The following B3GNT3 variants were observed in gnomAD, a reference collection of about 807,000 sequenced individuals.
The protein encoded by B3GNT3 is N-acetyllactosaminide beta-1,3-N-acetylglucosaminyltransferase 3.
In B3GNT3, 7 loss-of-function variants were observed where a neutral mutation model predicts 11.6. The observed-to-expected ratio is 0.60, with a 90% CI of 0.34 to 1.13. The LOEUF (loss-of-function observed/expected upper bound fraction) is 1.13, where lower values mean the gene tolerates loss of function less well. Ranked by LOEUF, B3GNT3 falls within the 50% of genes most tolerant of loss-of-function variation. The pLI is 0.03. For synonymous variants in B3GNT3, 201 were observed against 222.1 expected (o/e 0.90, Z 0.85); for missense variants, 400 against 507.4 (o/e 0.79, Z 2.03).
Position 17,808,018 on chromosome 19 carries a change from C to CCGGA in B3GNT3, c.213_216dup (p.Phe73GlyfsTer31), listed in dbSNP as rs771616547. The CCGGA allele has an allele frequency of 6.2e-7, 1 of 1,612,994 alleles. No homozygotes were observed. Among genetic ancestry groups the CCGGA allele is most frequent in the Non-Finnish European group, 8.5e-7 (1 of 1,179,682 alleles). On this transcript the variant is annotated frameshift_variant, in exon 2 of 3. Transcript: ENST00000318683. LOFTEE classifies it high-confidence loss of function. ...TGCCAACACCTCTATGGTCACCCAC[C>CCGGA]CGGACTTCGCCACGCAGCCGCAGCA...
intron 1 of B3GNT3, among the ~76,000 whole-genome samples, chr19:17,806,123 A>C (rs1210596578): frequency 1.3e-5 from 2 of 151,174 alleles, no homozygotes; most frequent in African/African-American, 4.9e-5. Flanking sequence ...ACCCATCACC[A>C]TGCCTGGCTA....
At chr19:17,809,485 C>T (rs2094177903) in intron 2 of B3GNT3, among the ~76,000 whole-genome samples, 2 of 149,884 alleles carry the variant, frequency 1.3e-5, no homozygotes, top group South Asian at 2.1e-4. Flanking sequence ...CTGGCTCTGT[C>T]CCCCAGGCTG....
chr19:17,810,793 A>G (rs868863440), intron 2 of B3GNT3, among the ~76,000 whole-genome samples: 1 of 151,918 alleles, frequency 6.6e-6, no homozygotes, highest in Admixed American at 6.6e-5. Flanking sequence ...AGGCAGAAGA[A>G]TTGCTTGAAC....
At chr19:17,795,252 G>C (rs1321218765) in intron 1 of B3GNT3, 46 bp downstream of exon 1, 1 of 152,370 alleles carries the variant, frequency 6.6e-6, no homozygotes, top group Non-Finnish European at 1.5e-5. Flanking sequence ...CCCAGTGGTG[G>C]GGGTTTGGGG....
intron 1 of B3GNT3, among the ~76,000 whole-genome samples, chr19:17,801,296 G>T (rs777519256): frequency 4.7e-4 from 72 of 151,600 alleles, no homozygotes; most frequent in Non-Finnish European, 6.9e-4. Context: ...GGGCTCAAGC[G>T]ATCCTCCCAC....
At chr19:17,806,181 A>G (rs554438487) in intron 1 of B3GNT3, among the ~76,000 whole-genome samples, 18 of 144,482 alleles carry the variant, frequency 1.2e-4, no homozygotes, top group Non-Finnish European at 6.0e-5. Flanking sequence ...GGGTTTCCCC[A>G]TGTTGGCCAG....
intron 1 of B3GNT3, among the ~76,000 whole-genome samples, chr19:17,804,801 A>C (rs899231276): frequency 6.6e-5 from 10 of 151,176 alleles, no homozygotes; most frequent in African/African-American, 2.4e-4. Context: ...CAGGTGATCC[A>C]CCACTTTGGC....
At chr19:17,804,240 C>CTTTTTTTTTTTTTTTTTTTTTTT (rs773524591) in intron 1 of B3GNT3, among the ~76,000 whole-genome samples, 20 of 112,184 alleles carry the variant, frequency 1.8e-4, no homozygotes, top group South Asian at 5.6e-4. Context: ...TCTTTTTTTT[C>CTTTTTTTTTTTTTTTTTTTTTTT]TTTTTTTTTT....
chr19:17,812,230 G>A lies in B3GNT3; in HGVS notation c.*108G>A, dbSNP rs976530323. 1.6e-6 allele frequency: 2 copies of A among 1,286,578 alleles called. No homozygotes were observed. Among genetic ancestry groups the A allele is most frequent in the Non-Finnish European group, 2.1e-6 (2 of 961,554 alleles). 79.7% of individuals were successfully genotyped at this position (1,286,578 alleles called of 1,614,324 possible). A position where few individuals can be genotyped will look rare whatever the true frequency, so the allele number is the denominator to read the frequency against. Reference sequence around the variant, plus strand: ...GTGGTCTGAGCATAAGGGAGTGCCAGGGAAGGTTTGAGGTTTGATGAGTGA... The same window carrying A: ...GTGGTCTGAGCATAAGGGAGTGCCAAGGAAGGTTTGAGGTTTGATGAGTGA... On this transcript the variant is annotated 3_prime_UTR_variant, in exon 3 of 3. Transcript: ENST00000318683.
rs1317184920 is a variant in B3GNT3 at position 17,811,938 on chromosome 19, C to T, written c.935C>T (p.Ala312Val). 6.2e-7 allele frequency: 1 copy of T among 1,612,052 alleles called. No individual in the cohort carries two copies. Among genetic ancestry groups the T allele is most frequent in the Non-Finnish European group, 8.5e-7 (1 of 1,180,038 alleles). The change falls in exon 3 of 3, where the codon GCC becomes GTC. Residue 312 changes from alanine (A) to valine (V), a missense_variant. By Grantham distance (64) the Ala-to-Val change is moderately conservative. Transcript: ENST00000318683. The surrounding 1 kb of genome is among the most constrained non-coding windows in gnomAD (Gnocchi z 4.1). ...CTGGAGCTTGAGGGACTGAAGCCTG[C>T]CTCCCACAGCGGCATCCGCACGTCT... Reference protein sequence around the residue: ...MCLELEGLKPASHSGIRTSGV... With the variant: ...MCLELEGLKPVSHSGIRTSGV...
chr19:17,800,137 G>A (rs1289262539), intron 1 of B3GNT3, among the ~76,000 whole-genome samples: 2 of 152,140 alleles, frequency 1.3e-5, no homozygotes, highest in African/African-American at 4.8e-5. Context: ...CACTTTGGGA[G>A]GCCGAGGCGG....
At chr19:17,800,539 T>G (rs764616328) in intron 1 of B3GNT3, among the ~76,000 whole-genome samples, 38 of 152,174 alleles carry the variant, frequency 2.5e-4, no homozygotes, top group Non-Finnish European at 4.6e-4. Flanking sequence ...CAGACAACCC[T>G]TCTGCATATT....
chr19:17,799,269 CT>C (rs35086710), intron 1 of B3GNT3, among the ~76,000 whole-genome samples: 6,425 of 117,202 alleles, frequency 0.055, 254 homozygotes, highest in African/African-American at 0.17. Context: ...ACCATTCCAG[CT>C]TTTTTTTTTT....
In B3GNT3 at chr19:17,807,752, C is replaced by T; in HGVS notation, c.-50-6C>T. ...GCGAGTGTTCAGTGAGTTTTGTTTT[C>T]CACAGGAGCCGCCCAGGAGGCTCCT... On this transcript the variant is annotated splice_region_variant and splice_polypyrimidine_tract_variant and intron_variant, in intron 1 of 2. Transcript: ENST00000318683. 5.3e-6 allele frequency: 8 copies of T among 1,516,966 alleles called. No individual in the cohort carries two copies. The highest frequency in any genetic ancestry group is 7.1e-6 in the Non-Finnish European group (8 of 1,121,382). The allele number at this position is 1,516,966 out of a possible 1,614,324, so 94.0% of individuals were successfully genotyped here. A position where few individuals can be genotyped will look rare whatever the true frequency, so the allele number is the denominator to read the frequency against.
chr19:17,804,533 C>CTTTTTTTTTTTTTTTTTT lies in B3GNT3; in HGVS notation c.-50-3220_-50-3203dup, dbSNP rs67513010. Among the ~76,000 whole-genome samples the CTTTTTTTTTTTTTTTTTT allele has an allele frequency of 3.5e-5, 2 of 57,016 alleles. 1 individual carries two copies. Among genetic ancestry groups the CTTTTTTTTTTTTTTTTTT allele is most frequent in the Non-Finnish European group, 5.7e-5 (2 of 35,284 alleles). 37.4% of individuals were successfully genotyped at this position (57,016 alleles called of 152,430 possible). A position where few individuals can be genotyped will look rare whatever the true frequency, so the allele number is the denominator to read the frequency against. On this transcript the variant is annotated intron_variant, in intron 1 of 2. Coordinates refer to ENST00000318683, the MANE Select transcript of B3GNT3 (RefSeq NM_014256.4). ...TACAGGCGTGAGCCACCGTGCCCAGCTTTTTTTTTTTTTTTTTTTTTTGAG... is the reference window on the plus strand; with the variant it reads ...TACAGGCGTGAGCCACCGTGCCCAGCTTTTTTTTTTTTTTTTTTTTTTTTTTTTTTTTTTTTTTTTGAG...
In B3GNT3 at chr19:17,812,144, C is replaced by A; in HGVS notation, c.*22C>A. On this transcript the variant is annotated 3_prime_UTR_variant, in exon 3 of 3. Coordinates refer to ENST00000318683, the MANE Select transcript of B3GNT3 (RefSeq NM_014256.4). ...CTGAGTCAGCATCAGGGTCCCCAGC[C>A]TCTGGGCTCCTGTTTCCATAGGAAG... 1 of 1,559,066 alleles carries A rather than the reference C, an allele frequency of 6.4e-7. No individual in the cohort carries two copies. Among genetic ancestry groups the A allele is most frequent in the Non-Finnish European group, 8.6e-7 (1 of 1,161,374 alleles).
Position 17,811,999 on chromosome 19 carries a change from T to C in B3GNT3, c.996T>C (p.Phe332=). The stretch of plus-strand genomic sequence containing the variant: ...CTCCATCGCAACGCCTGTCCTCCTT[T>C]GACCCCTGCTTCTACCGAGACCTGC... The part of the protein sequence containing the change: ...VRAPSQRLSS[F]DPCFYRDLLL... The change falls in exon 3 of 3, where the codon TTT becomes TTC. Residue 332 remains phenylalanine, a synonymous_variant. Transcript: ENST00000318683. The surrounding 1 kb of genome is among the most constrained non-coding windows in gnomAD (Gnocchi z 4.1). The C allele has an allele frequency of 6.2e-7, 1 of 1,602,012 alleles. No individual in the cohort carries two copies. Among genetic ancestry groups the C allele is most frequent in the South Asian group, 1.1e-5 (1 of 91,084 alleles).
intron 1 of B3GNT3, among the ~76,000 whole-genome samples, chr19:17,796,788 A>G (rs2147643828): frequency 6.6e-6 from 1 of 152,290 alleles, no homozygotes; most frequent in Non-Finnish European, 1.5e-5. Flanking sequence ...GCCAGAGTTC[A>G]GGAATCCAGA....
At position 17,812,177 on chromosome 19, in the gene B3GNT3, A is replaced by C; in HGVS notation, c.*55A>C. The stretch of plus-strand genomic sequence containing the variant: ...TCCTGTTTCCATAGGAAGGGGCGAC[A>C]CCTTCCTCCCAGGAAGCTGAGACCT... On this transcript the variant is annotated 3_prime_UTR_variant, in exon 3 of 3. Coordinates refer to ENST00000318683, the MANE Select transcript of B3GNT3 (RefSeq NM_014256.4). 1.3e-6 allele frequency: 2 copies of C among 1,494,592 alleles called. No homozygotes were observed. Among genetic ancestry groups the C allele is most frequent in the Non-Finnish European group, 1.8e-6 (2 of 1,124,458 alleles). 92.6% of individuals were successfully genotyped at this position (1,494,592 alleles called of 1,614,324 possible). A position where few individuals can be genotyped will look rare whatever the true frequency, so the allele number is the denominator to read the frequency against.
Sources: allele counts gnomAD v4.1 joint callset (sites outside exome capture counted in the v4.1 genomes callset), GRCh38; gene constraint gnomAD v4.1.1; non-coding constraint Gnocchi (gnomAD v3.1); transcripts MANE v1.5; gene names NCBI Gene and HGNC (gene_info 2026-07-23, HGNC 2026-07-21).